AFG1L: variants seen among roughly 807,000 people sequenced by gnomAD.
AFG1L encodes AFG1-like ATPase.
Under a neutral mutation model 62.2 loss-of-function variants are expected in AFG1L, and 53 were observed. The observed-to-expected ratio is 0.85, with a 90% CI of 0.68 to 1.07. The LOEUF is 1.07. AFG1L is among the 50% of genes least tolerant of loss of function. The pLI is 0.00. For missense variants in AFG1L, 555 were observed against 590.5 expected, an observed-to-expected ratio of 0.94 and a Z score of 0.62; for synonymous variants, 228 against 210.3, an observed-to-expected ratio of 1.08 and a Z score of -0.73.
intron 2 of AFG1L, among the ~76,000 whole-genome samples, chr6:108,338,350 T>G (rs1040858931): frequency 6.6e-6 from 1 of 152,178 alleles, no homozygotes; most frequent in African/African-American, 2.4e-5. Context: ...TCCTCCATGA[T>G]TACAAAATGT....
chr6:108,499,345 A>G (rs1774096651), intron 10 of AFG1L, among the ~76,000 whole-genome samples: 1 of 152,032 alleles, frequency 6.6e-6, no homozygotes, highest in Non-Finnish European at 1.5e-5. Context: ...CTGGGATTAC[A>G]GGTATAAGCC....
In AFG1L at chr6:108,347,028, A is replaced by G. The variant is rs1204494019; in HGVS notation, c.404A>G (p.Tyr135Cys). 2 of 1,613,518 alleles carry G rather than the reference A, an allele frequency of 1.2e-6. No individual in the cohort carries two copies. The highest frequency in any genetic ancestry group is 8.5e-7 in the Non-Finnish European group (1 of 1,179,610). The change falls in exon 3 of 13, where the codon TAT (tyrosine) becomes TGT (cysteine). Residue 135 changes from tyrosine (Y) to cysteine (C), a missense_variant. Tyr to Cys is a radical substitution (Grantham distance 194). Transcript: ENST00000368977. ...RSKPPRGLYVYGDVGTGKTMV... is the reference protein window; with the variant it reads ...RSKPPRGLYVCGDVGTGKTMV... ...AAACCTCCAAGGGGCCTGTATGTTT[A>G]TGGAGATGTTGGTAAGTGTGTTAAA...
chr6:108,419,640 A>G (rs1193827993), intron 7 of AFG1L, among the ~76,000 whole-genome samples: 1 of 152,250 alleles, frequency 6.6e-6, no homozygotes, highest in Non-Finnish European at 1.5e-5. Context: ...TGTTCTTATT[A>G]TTGCTACTTT....
At chr6:108,405,784 C>T (rs1321501052) in intron 7 of AFG1L, among the ~76,000 whole-genome samples, 1 of 152,216 alleles carries the variant, frequency 6.6e-6, no homozygotes, top group Non-Finnish European at 1.5e-5. Context: ...GATAACCACC[C>T]ATTGTCCCCC....
intron 6 of AFG1L, among the ~76,000 whole-genome samples, chr6:108,398,216 CT>C (rs1301599226): frequency 6.6e-6 from 1 of 152,092 alleles, no homozygotes; most frequent in African/African-American, 2.4e-5. Context: ...ATGTTGAGCA[CT>C]TTTTTGTTTG....
intron 2 of AFG1L, among the ~76,000 whole-genome samples, chr6:108,341,707 C>G (rs769196695): frequency 1.3e-5 from 2 of 152,026 alleles, no homozygotes; most frequent in Non-Finnish European, 2.9e-5. Context: ...CTTCCAACAT[C>G]ATCCTTAAGC....
intron 7 of AFG1L, among the ~76,000 whole-genome samples, chr6:108,431,965 A>G (rs894041303): frequency 6.6e-6 from 1 of 150,414 alleles, no homozygotes; most frequent in African/African-American, 2.5e-5. Flanking sequence ...AGACACTGAC[A>G]GGGAGACCCT....
intron 6 of AFG1L, among the ~76,000 whole-genome samples, chr6:108,381,893 A>G (rs748733565): frequency 1.3e-5 from 2 of 152,136 alleles, no homozygotes; most frequent in African/African-American, 2.4e-5. Flanking sequence ...TGAAATGACT[A>G]TGCTTCTTTG....
chr6:108,447,157 A>G (rs1028682366), intron 7 of AFG1L, 57 bp from the exon 8 acceptor site: 1 of 869,056 alleles, frequency 1.2e-6, no homozygotes, highest in Admixed American at 2.0e-5. Context: ...TAAGGGAAGG[A>G]TTGTAATTCT....
At chr6:108,453,288 G>T (rs1354551539) in intron 8 of AFG1L, among the ~76,000 whole-genome samples, 1 of 145,740 alleles carries the variant, frequency 6.9e-6, no homozygotes. Flanking sequence ...TCACATATTT[G>T]TGCTTGGCTA....
intron 7 of AFG1L, among the ~76,000 whole-genome samples, chr6:108,441,698 A>T: frequency 8.0e-6 from 1 of 124,496 alleles, no homozygotes; most frequent in African/African-American, 4.1e-5. Flanking sequence ...TCTGAGGTTT[A>T]TTTAAAAAAA....
intron 6 of AFG1L, among the ~76,000 whole-genome samples, chr6:108,400,471 A>G (rs1407025769): frequency 6.7e-6 from 1 of 148,998 alleles, no homozygotes; most frequent in East Asian, 1.9e-4. Context: ...TCCTTCAAAG[A>G]ATGGAGTTTT....
Position 108,376,746 on chromosome 6 carries a change from G to A in AFG1L, c.748+10414G>A, listed in dbSNP as rs1433287805. On this transcript the variant is annotated intron_variant, in intron 6 of 12. Coordinates refer to ENST00000368977, the MANE Select transcript of AFG1L (RefSeq NM_145315.5). ...ATGAGAAGAATGTATATTTGTGGTC[G>A]ATATATAGAGTATTCTGTACATATC... Among the ~76,000 whole-genome samples the A allele has an allele frequency of 3.3e-5, 5 of 152,186 alleles. No homozygotes were observed. The East Asian group carries it at 7.7e-4, about 23-fold the overall frequency.
At chr6:108,462,090 G>A (rs1487424868) in intron 8 of AFG1L, among the ~76,000 whole-genome samples, 7 of 151,230 alleles carry the variant, frequency 4.6e-5, no homozygotes, top group Admixed American at 1.3e-4. Flanking sequence ...GCAAGACTCC[G>A]TCTCAAAAAA....
chr6:108,298,431 A>C (rs544994433), intron 1 of AFG1L, among the ~76,000 whole-genome samples: 2 of 151,652 alleles, frequency 1.3e-5, no homozygotes, highest in East Asian at 3.9e-4. Flanking sequence ...ACACCCAACT[A>C]ATTTTCGTAT....
At chr6:108,358,736 G>C (rs187788892) in intron 5 of AFG1L, among the ~76,000 whole-genome samples, 1 of 152,264 alleles carries the variant, frequency 6.6e-6, no homozygotes, top group East Asian at 1.9e-4. Context: ...GTTTCACCAC[G>C]TTGGCCAGGC....
At chr6:108,305,352 G>C (rs768851832) in intron 1 of AFG1L, among the ~76,000 whole-genome samples, 6 of 152,112 alleles carry the variant, frequency 3.9e-5, no homozygotes, top group Non-Finnish European at 7.4e-5. Context: ...CCTTTCCTCT[G>C]GATACTCTGA....
intron 8 of AFG1L, among the ~76,000 whole-genome samples, chr6:108,464,963 T>A (rs1772608818): frequency 6.6e-6 from 1 of 152,202 alleles, no homozygotes; most frequent in African/African-American, 2.4e-5. Context: ...AATGGAGCTG[T>A]TTCACAGGAA....
intron 7 of AFG1L, among the ~76,000 whole-genome samples, chr6:108,417,769 C>A (rs1770383506): frequency 6.6e-6 from 1 of 152,056 alleles, no homozygotes; most frequent in African/African-American, 2.4e-5. Context: ...CTTTATTTTA[C>A]CAATATTAAT....
Sources: allele counts gnomAD v4.1 joint callset (sites outside exome capture counted in the v4.1 genomes callset), GRCh38; gene constraint gnomAD v4.1.1; transcripts MANE v1.5; gene names NCBI Gene and HGNC (gene_info 2026-07-23, HGNC 2026-07-21).